The following DPYSL2 variants were observed in gnomAD, a reference collection of about 807,000 sequenced individuals.
The protein encoded by DPYSL2 is dihydropyrimidinase-related protein 2.
Under a neutral mutation model 69.9 loss-of-function variants are expected in DPYSL2, and 13 were observed. The observed-to-expected ratio is 0.19, with a 90% confidence interval of 0.12 to 0.30. DPYSL2 has a LOEUF of 0.30. Ranked by LOEUF, DPYSL2 falls within the 10% of genes least tolerant of loss-of-function variation. The pLI, the probability that DPYSL2 is intolerant of heterozygous loss-of-function variation, is 1.00. For missense variants in DPYSL2, 587 were observed against 918.9 expected (o/e 0.64, Z 4.67); for synonymous variants, 326 against 359.1 (o/e 0.91, Z 1.04).
intron 1 of DPYSL2, among the ~76,000 whole-genome samples, chr8:26,575,439 A>G (rs7827953): frequency 0.11 from 17,140 of 152,190 alleles, 1,074 homozygotes; most frequent in African/African-American, 0.13. Context: ...CTGAATGGTA[A>G]ATATGGTAAG....
chr8:26,623,540 C>T (rs1202430490), intron 3 of DPYSL2, among the ~76,000 whole-genome samples: 1 of 152,050 alleles, frequency 6.6e-6, no homozygotes, highest in African/African-American at 2.4e-5. Flanking sequence ...CATCCAAAGT[C>T]CTCAGTCTTC....
rs181971264 is a variant in DPYSL2, at chr8:26,562,250, A to G, written c.355-19719A>G. ...AGTTCCTTAATCTCACTTTGTTTCC[A>G]CTCTACCTCACAGAGTTGTTGTGAG... is the stretch of plus-strand genomic sequence containing the variant. On this transcript the variant is annotated intron_variant, in intron 1 of 13. Coordinates refer to ENST00000521913, the MANE Select transcript of DPYSL2 (RefSeq NM_001197293.3). The surrounding 1 kb of genome is among the most constrained non-coding windows in gnomAD (Gnocchi z 4.9). 2.6e-4 allele frequency among the ~76,000 whole-genome samples: 39 copies of G among 152,152 alleles called. No individual in the cohort carries two copies. Among genetic ancestry groups the G allele is most frequent in the African/African-American group, 8.7e-4 (36 of 41,482 alleles).
At chr8:26,628,929 C>T (rs975870014) in intron 7 of DPYSL2, among the ~76,000 whole-genome samples, 4 of 152,130 alleles carry the variant, frequency 2.6e-5, no homozygotes, top group Non-Finnish European at 4.4e-5. Context: ...GGAGGGGAGC[C>T]GGTCCCTGTG....
chr8:26,592,571 G>A (rs1365370582), intron 3 of DPYSL2, among the ~76,000 whole-genome samples: 1 of 151,380 alleles, frequency 6.6e-6, no homozygotes, highest in African/African-American at 2.4e-5. Context: ...CACCTCCCAG[G>A]TACAAGCCAT....
At chr8:26,522,197 A>C (rs1808397789) in intron 1 of DPYSL2, among the ~76,000 whole-genome samples, 1 of 152,200 alleles carries the variant, frequency 6.6e-6, no homozygotes, top group Non-Finnish European at 1.5e-5. Context: ...AATCTCAGCT[A>C]TTCAGGAGGC....
intron 8 of DPYSL2, among the ~76,000 whole-genome samples, chr8:26,636,766 A>G (rs1802926444): frequency 6.6e-6 from 1 of 151,662 alleles, no homozygotes; most frequent in Middle Eastern, 3.4e-3. Context: ...TTTGAGATGG[A>G]GTCTCACTCT....
Position 26,656,520 on chromosome 8 carries a change from C to T in DPYSL2, c.*814C>T, listed in dbSNP as rs1173122460. On this transcript the variant is annotated 3_prime_UTR_variant, in exon 14 of 14. Coordinates refer to ENST00000521913, the MANE Select transcript of DPYSL2 (RefSeq NM_001197293.3). Reference sequence around the variant, plus strand: ...TTTTAATTCATGAATATTTTCGTGTCTGTCTCTCTCTCTCTCTGTGTTTCC... The same window carrying T: ...TTTTAATTCATGAATATTTTCGTGTTTGTCTCTCTCTCTCTCTGTGTTTCC... 6.8e-6 allele frequency: 1 copy of T among 146,862 alleles called. No homozygotes were observed. Among genetic ancestry groups the T allele is most frequent in the East Asian group, 1.9e-4 (1 of 5,166 alleles). The allele number at this position is 146,862 out of a possible 1,614,324, so 9.1% of individuals were successfully genotyped here. A position where few individuals can be genotyped will look rare whatever the true frequency, so the allele number is the denominator to read the frequency against.
rs1800663750 is a variant in DPYSL2 at position 26,540,599 on chromosome 8, A to G, written c.354+25920A>G. 2.0e-5 allele frequency among the ~76,000 whole-genome samples: 3 copies of G among 152,326 alleles called. No homozygotes were observed. The South Asian group carries it at 6.2e-4, about 32-fold the overall frequency. On this transcript the variant is annotated intron_variant, in intron 1 of 13. Transcript: ENST00000521913. ...CTGATAAACCCATTGTAAGTTGAAC[A>G]TATTGTAAGTTGAAAATATATTTAG...
chr8:26,540,881 G>A (rs1391575806), intron 1 of DPYSL2, among the ~76,000 whole-genome samples: 1 of 149,884 alleles, frequency 6.7e-6, no homozygotes, highest in Non-Finnish European at 1.5e-5. Flanking sequence ...CTCCAGCTTT[G>A]GTGACAGAGT....
In DPYSL2 at chr8:26,553,898, C is replaced by CTTT. The variant is rs35594312; in HGVS notation, c.355-28055_355-28053dup. Among the ~76,000 whole-genome samples, 351 of 117,050 alleles carry CTTT rather than the reference C, an allele frequency of 3.0e-3. 8 individuals carry two copies. The highest frequency in any genetic ancestry group is 8.5e-3 in the African/African-American group (256 of 30,032). The allele number at this position is 117,050 out of a possible 152,430, so 76.8% of individuals were successfully genotyped here. A position where few individuals can be genotyped will look rare whatever the true frequency, so the allele number is the denominator to read the frequency against. ...CTCATCAGTACCTGTTATTTTTGGG[C>CTTT]TTTTTTTTTTTTTTTTTTGAGACGG... On this transcript the variant is annotated intron_variant, in intron 1 of 13. Coordinates refer to ENST00000521913, the MANE Select transcript of DPYSL2 (RefSeq NM_001197293.3).
intron 8 of DPYSL2, among the ~76,000 whole-genome samples, chr8:26,636,940 C>G (rs897907425): frequency 6.6e-6 from 1 of 152,198 alleles, no homozygotes; most frequent in African/African-American, 2.4e-5. Context: ...CGGGGTTTCA[C>G]CATGTTGACC....
chr8:26,550,649 G>A (rs1297825879), intron 1 of DPYSL2, among the ~76,000 whole-genome samples: 1 of 152,186 alleles, frequency 6.6e-6, no homozygotes, highest in Admixed American at 6.5e-5. Context: ...ATGGGAGATA[G>A]ATAGACTGAT....
chr8:26,652,249 C>CT lies in DPYSL2; in HGVS notation c.1597-6dup. 1 of 1,609,868 alleles carries CT rather than the reference C, an allele frequency of 6.2e-7. No individual in the cohort carries two copies. Among genetic ancestry groups the CT allele is most frequent in the South Asian group, 1.1e-5 (1 of 90,618 alleles). ...CCTGTTCTAGAGTTTACTTTGCCTT[C>CT]TTCTCAGTCTCTCGAGTACAACATC... is the stretch of plus-strand genomic sequence containing the variant. On this transcript the variant is annotated splice_region_variant and splice_polypyrimidine_tract_variant and intron_variant, in intron 11 of 13. Transcript: ENST00000521913. The surrounding 1 kb of genome is among the most constrained non-coding windows in gnomAD (Gnocchi z 6.3).
chr8:26,638,282 G>A (rs1166016934), intron 8 of DPYSL2, among the ~76,000 whole-genome samples: 1 of 152,204 alleles, frequency 6.6e-6, no homozygotes, highest in Non-Finnish European at 1.5e-5. Context: ...GAGCCCAGAA[G>A]GGAGTCTCAG....
In DPYSL2 at chr8:26,643,680, C is replaced by T; in HGVS notation, c.1283+85C>T. The T allele has an allele frequency of 6.3e-7, 1 of 1,577,610 alleles. No individual in the cohort carries two copies. The highest frequency in any genetic ancestry group is 8.7e-7 in the Non-Finnish European group (1 of 1,152,892). On this transcript the variant is annotated intron_variant, in intron 9 of 13. Coordinates refer to ENST00000521913, the MANE Select transcript of DPYSL2 (RefSeq NM_001197293.3). This position sits in a 1 kb window ranked among gnomAD's most constrained non-coding sequence, Gnocchi z 6.5. ...TGTTAGGCGAAAACAACATGGTGGCCAAGAGCAGCCATAAAACTGGGAGAC... is the reference window on the plus strand; with the variant it reads ...TGTTAGGCGAAAACAACATGGTGGCTAAGAGCAGCCATAAAACTGGGAGAC...
At chr8:26,522,281 C>A (rs1808398873) in intron 1 of DPYSL2, among the ~76,000 whole-genome samples, 1 of 151,662 alleles carries the variant, frequency 6.6e-6, no homozygotes, top group Admixed American at 6.6e-5. Context: ...GCACTCCAGC[C>A]TGGGCAACCG....
rs1803337924 is a variant in DPYSL2, at chr8:26,654,307, C to A, written c.1942+910C>A. Among the ~76,000 whole-genome samples the A allele has an allele frequency of 6.6e-6, 1 of 152,078 alleles. No individual in the cohort carries two copies. Among genetic ancestry groups the A allele is most frequent in the Non-Finnish European group, 1.5e-5 (1 of 68,012 alleles). On this transcript the variant is annotated intron_variant, in intron 13 of 13. Transcript: ENST00000521913. The surrounding 1 kb of genome is among the most constrained non-coding windows in gnomAD (Gnocchi z 5.0). ...GAAAGGGTTCAGATTTTTAAGTTTC[C>A]TTGCTTGAAACTTCTTTCCCATCTT...
chr8:26,563,127 A>T (rs1801099672), intron 1 of DPYSL2, among the ~76,000 whole-genome samples: 1 of 152,160 alleles, frequency 6.6e-6, no homozygotes, highest in Non-Finnish European at 1.5e-5. Context: ...AAGGGAGGGC[A>T]TGTAGACCCC....
At chr8:26,569,376 AC>A (rs770161403) in intron 1 of DPYSL2, among the ~76,000 whole-genome samples, 6,759 of 40,564 alleles carry the variant, frequency 0.17, 204 homozygotes, top group East Asian at 0.32. Context: ...AAAAACAAAA[AC>A]AAAAAAAAAC....
Sources: allele counts gnomAD v4.1 joint callset (sites outside exome capture counted in the v4.1 genomes callset), GRCh38; gene constraint gnomAD v4.1.1; non-coding constraint Gnocchi (gnomAD v3.1); transcripts MANE v1.5; gene names NCBI Gene and HGNC (gene_info 2026-07-23, HGNC 2026-07-21).